The following CDADC1 variants were observed in gnomAD, a reference collection of about 807,000 sequenced individuals.
CDADC1 encodes the protein dCTP deaminase.
Under a neutral mutation model 54.9 loss-of-function variants are expected in CDADC1, and 39 were observed. The ratio of observed to expected loss-of-function variants is 0.71; its 90% CI spans 0.55 to 0.93. The LOEUF is 0.93. CDADC1 is among the 40% of genes least tolerant of loss of function. The pLI, the probability that CDADC1 is intolerant of heterozygous loss-of-function variation, is 0.00. For missense variants in CDADC1, 518 were observed against 618.8 expected (o/e 0.84, Z 1.73); for synonymous variants, 186 against 204.0 (o/e 0.91, Z 0.75).
At chr13:49,256,761 G>A (rs1037474299) in intron 3 of CDADC1, among the ~76,000 whole-genome samples, 1 of 152,134 alleles carries the variant, frequency 6.6e-6, no homozygotes, top group Non-Finnish European at 1.5e-5. Context: ...TGATGATTCC[G>A]ATGTATATTC....
At position 49,267,939 on chromosome 13, in the gene CDADC1, A is replaced by C; in HGVS notation, c.880A>C (p.Lys294Gln). The C allele has an allele frequency of 1.2e-6, 2 of 1,614,170 alleles. No individual in the cohort carries two copies. Among genetic ancestry groups the C allele is most frequent in the Non-Finnish European group, 1.7e-6 (2 of 1,180,012 alleles). Residue 294 changes from lysine to glutamine, a missense_variant, in exon 5 of 10, where the codon AAA becomes CAA. Coordinates refer to ENST00000251108, the MANE Select transcript of CDADC1 (RefSeq NM_030911.4). ...AGTAGCTTCCAGTGTGCCGAACTTT[A>C]AACACTTCGGATTTTACCGTAGCAA... ...ATVASSVPNF[K>Q]HFGFYRSNPE...
chr13:49,280,259 TCTTA>T lies in CDADC1; in HGVS notation c.1221-245_1221-242del, dbSNP rs77458336. 2.9e-3 allele frequency among the ~76,000 whole-genome samples: 437 copies of T among 152,334 alleles called. 9 individuals are homozygous for T. In the East Asian group the frequency reaches 0.046, roughly 16 times the overall value. ...TTATTTTGTAATCTGAAACTGAACC[TCTTA>T]CTTAGAATCAATAAATTATTTTTAG... On this transcript the variant is annotated intron_variant, in intron 7 of 9. Coordinates refer to ENST00000251108, the MANE Select transcript of CDADC1 (RefSeq NM_030911.4).
At chr13:49,248,262 C>A in intron 1 of CDADC1, 143 bp downstream of exon 1, 1 of 715,052 alleles carries the variant, frequency 1.4e-6, no homozygotes, top group Non-Finnish European at 2.3e-6. Flanking sequence ...CTCTGCGTGT[C>A]CCCTCCGCGG....
chr13:49,261,212 A>G (rs968367758), intron 4 of CDADC1, among the ~76,000 whole-genome samples: 6 of 152,210 alleles, frequency 3.9e-5, no homozygotes, highest in African/African-American at 1.4e-4. Flanking sequence ...ATCTATGTCA[A>G]GGTCAGTGCC....
intron 8 of CDADC1, among the ~76,000 whole-genome samples, 170 bp downstream of exon 8, chr13:49,280,868 T>C (rs1953307912): frequency 6.6e-6 from 1 of 150,690 alleles, no homozygotes; most frequent in African/African-American, 2.4e-5. Flanking sequence ...AGTCTCTCTC[T>C]GTTGCCTAGG....
chr13:49,276,410 C>T (rs1428284617), intron 6 of CDADC1, among the ~76,000 whole-genome samples: 1 of 152,128 alleles, frequency 6.6e-6, no homozygotes, highest in Non-Finnish European at 1.5e-5. Context: ...AGGCTAGAAT[C>T]AAGAGATATT....
At position 49,291,173 on chromosome 13, in the gene CDADC1, T is replaced by G. The variant is rs541442270; in HGVS notation, c.1472-511T>G. Among the ~76,000 whole-genome samples the G allele has an allele frequency of 3.1e-3, 461 of 150,834 alleles. 5 individuals carry two copies. The highest frequency in any genetic ancestry group is 0.01 in the African/African-American group (418 of 41,180). ...TGTTGAGTGAATTCAGTTTTTGGTTTTTTTTTTTTTTGAGACAGGGTCTCG... is the reference window on the plus strand; with the variant it reads ...TGTTGAGTGAATTCAGTTTTTGGTTGTTTTTTTTTTTGAGACAGGGTCTCG... On this transcript the variant is annotated intron_variant, in intron 9 of 9. Transcript: ENST00000251108.
intron 2 of CDADC1, among the ~76,000 whole-genome samples, chr13:49,255,220 C>T (rs74072779): frequency 0.011 from 1,637 of 152,284 alleles, 23 homozygotes; most frequent in African/African-American, 0.037. Context: ...CATGTTGCAT[C>T]GCTGACTCTC....
At chr13:49,265,669 TTAA>T (rs758633599) in intron 4 of CDADC1, among the ~76,000 whole-genome samples, 5 of 152,128 alleles carry the variant, frequency 3.3e-5, no homozygotes, top group African/African-American at 2.4e-5. Flanking sequence ...TTTTAATGAA[TTAA>T]TAAATATTTT....
In CDADC1 at chr13:49,292,532, A is replaced by T. The variant is rs1953741845; in HGVS notation, c.*775A>T. On this transcript the variant is annotated 3_prime_UTR_variant, in exon 10 of 10. Transcript: ENST00000251108. ...AGCTTTCCTAGAATTCCATTAATAA[A>T]TGCTGCTCCCCCATATAGTCTTCCC... The T allele has an allele frequency of 9.7e-7, 1 of 1,035,480 alleles. No individual in the cohort carries two copies. Among genetic ancestry groups the T allele is most frequent in the South Asian group, 3.4e-5 (1 of 29,644 alleles). 64.1% of individuals were successfully genotyped at this position (1,035,480 alleles called of 1,614,324 possible).
At chr13:49,261,753 C>T (rs1363203142) in intron 4 of CDADC1, among the ~76,000 whole-genome samples, 1 of 152,196 alleles carries the variant, frequency 6.6e-6, no homozygotes, top group Non-Finnish European at 1.5e-5. Flanking sequence ...GCTGAGCTAA[C>T]TGTGCTGAAA....
intron 9 of CDADC1, among the ~76,000 whole-genome samples, chr13:49,287,271 G>C (rs544203340): frequency 1.4e-4 from 22 of 152,306 alleles, no homozygotes; most frequent in African/African-American, 5.3e-4. Flanking sequence ...AAGTTTTCTT[G>C]ATAATAACAA....
intron 4 of CDADC1, chr13:49,265,857 G>C: frequency 7.7e-7 from 1 of 1,300,290 alleles, no homozygotes; most frequent in Non-Finnish European, 1.0e-6. Flanking sequence ...GTCTAAAGAG[G>C]ATTTTTCCCC....
chr13:49,282,181 A>C (rs1953364067), intron 8 of CDADC1, among the ~76,000 whole-genome samples: 1 of 151,272 alleles, frequency 6.6e-6, no homozygotes, highest in African/African-American at 2.4e-5. Context: ...CATGGAAAAC[A>C]CAAGAACTTT....
chr13:49,280,600 A>G lies in CDADC1; in HGVS notation c.1312A>G (p.Ile438Val). ...TGTACCTTTAATTAAAGGTGCAGGC[A>G]TAAAACAAATCTATGCAGGAGATGT... Reference protein sequence around the residue: ...ECVPLIKGAGIKQIYAGDVDV... With the variant: ...ECVPLIKGAGVKQIYAGDVDV... The change falls in exon 8 of 10, where the codon ATA becomes GTA. Residue 438 changes from isoleucine (I) to valine (V), a missense_variant. By Grantham distance (29) the Ile-to-Val change is conservative. Coordinates refer to ENST00000251108, the MANE Select transcript of CDADC1 (RefSeq NM_030911.4). 6.3e-7 allele frequency: 1 copy of G among 1,599,182 alleles called. No individual in the cohort carries two copies. Among genetic ancestry groups the G allele is most frequent in the Non-Finnish European group, 8.5e-7 (1 of 1,173,012 alleles).
chr13:49,289,835 A>T (rs1953646622), intron 9 of CDADC1, among the ~76,000 whole-genome samples: 1 of 152,186 alleles, frequency 6.6e-6, no homozygotes, highest in Admixed American at 6.5e-5. Flanking sequence ...GCTTGAGCCC[A>T]GGAGTTCAAG....
Position 49,291,803 on chromosome 13 carries a change from C to T in CDADC1, c.*46C>T, listed in dbSNP as rs142678078. On this transcript the variant is annotated 3_prime_UTR_variant, in exon 10 of 10. Transcript: ENST00000251108. Reference sequence around the variant, plus strand: ...GGGGAACCTCAAGAACTTTTCATTGCACTTCTAAAATTCAGCCTTGTTCAT... The same window carrying T: ...GGGGAACCTCAAGAACTTTTCATTGTACTTCTAAAATTCAGCCTTGTTCAT... 3.0e-5 allele frequency: 47 copies of T among 1,584,436 alleles called. 1 individual carries two copies. In the Middle Eastern group the frequency reaches 1.2e-3, roughly 40 times the overall value.
At chr13:49,272,631 G>A (rs964248781) in intron 5 of CDADC1, among the ~76,000 whole-genome samples, 1 of 151,420 alleles carries the variant, frequency 6.6e-6, no homozygotes, top group African/African-American at 2.4e-5. Flanking sequence ...TCAATAAATG[G>A]AAATTTTTGT....
chr13:49,275,820 G>C (rs1953116830), intron 6 of CDADC1, among the ~76,000 whole-genome samples: 1 of 143,000 alleles, frequency 7.0e-6, no homozygotes, highest in Non-Finnish European at 1.5e-5. Flanking sequence ...CCAGGCTGGA[G>C]TGCAGTGGTG....
Sources: gnomAD v4.1 joint callset for allele counts (sites outside exome capture counted in the v4.1 genomes callset) on GRCh38, gnomAD v4.1.1 for gene constraint, MANE v1.5 for transcripts, NCBI Gene and HGNC (gene_info 2026-07-23, HGNC 2026-07-21) for gene names.